The following NIBAN3 variants were observed in gnomAD, a reference collection of about 807,000 sequenced individuals.
NIBAN3 encodes the protein protein Niban 3.
Under a neutral mutation model 76.4 loss-of-function variants are expected in NIBAN3, and 66 were observed. The observed-to-expected ratio is 0.86, with a 90% confidence interval of 0.71 to 1.06. The LOEUF is 1.06. Among genes scored for constraint, NIBAN3 ranks in the 50% least tolerant of loss-of-function variants. The probability of loss-of-function intolerance (pLI) is 0.00; values close to 1 mark genes in which losing one functional copy is unlikely to be tolerated. For missense variants in NIBAN3, 808 were observed against 810.7 expected (o/e 1.00, Z 0.04); for synonymous variants, 360 against 355.2 (o/e 1.01, Z -0.15).
Position 17,539,181 on chromosome 19 carries a change from G to T in NIBAN3, c.627G>T (p.Arg209=). 1 of 1,603,192 alleles carries T rather than the reference G, an allele frequency of 6.2e-7. No homozygotes were observed. The highest frequency in any genetic ancestry group is 8.5e-7 in the Non-Finnish European group (1 of 1,175,512). Residue 209 remains arginine (R), a synonymous_variant, in exon 6 of 15, where the codon CGG becomes CGT. Transcript: ENST00000599164. ...VLQRSQAPAA[R]AFLDAVRLYR... ...AGCGAAGCCAGGCCCCTGCTGCCCG[G>T]GCCTTCCTGGACGCCGTCCGACTCT...
chr19:17,550,149 A>AG (rs1412294177), intron 14 of NIBAN3, among the ~76,000 whole-genome samples: 1 of 152,186 alleles, frequency 6.6e-6, no homozygotes, highest in African/African-American at 2.4e-5. Flanking sequence ...CCTAGGACTT[A>AG]GGGGGCATCT....
At chr19:17,545,893 CAG>C (rs2076045301) in intron 12 of NIBAN3, 6 of 407,590 alleles carry the variant, frequency 1.5e-5, no homozygotes, top group Non-Finnish European at 3.0e-5. Flanking sequence ...GGTGGAGGAG[CAG>C]AGTCTTCTCT....
At chr19:17,545,161 A>ATTTATTTTATTTTATTTTATTTTAT (rs71162150) in intron 12 of NIBAN3, 2 of 133,350 alleles carry the variant, frequency 1.5e-5, no homozygotes, top group African/African-American at 2.8e-5. Flanking sequence ...AGACTATTTT[A>ATTTATTTTATTTTATTTTATTTTAT]TTTATTTTAT....
At position 17,539,340 on chromosome 19, in the gene NIBAN3, C is replaced by T. The variant is rs956534136; in HGVS notation, c.712-7C>T. On this transcript the variant is annotated splice_polypyrimidine_tract_variant and splice_region_variant and intron_variant, in intron 6 of 14. Coordinates refer to ENST00000599164, the MANE Select transcript of NIBAN3 (RefSeq NM_001321827.2). ...GACCGCGGCGCCCATGGCCCCCTCT[C>T]CTGCAGGTGCTGACCGCGGTGCTGA... The T allele has an allele frequency of 1.3e-6, 2 of 1,548,776 alleles. No individual in the cohort carries two copies. The highest frequency in any genetic ancestry group is 1.7e-6 in the Non-Finnish European group (2 of 1,147,750).
At chr19:17,527,136 A>C, upstream of NIBAN3, 1 of 1,350,430 alleles carries the variant, frequency 7.4e-7, no homozygotes, top group East Asian at 2.6e-5. Context: ...CTGTCCCCGC[A>C]GCCTCTACAG....
At chr19:17,543,783 G>A (rs2075999897) in intron 12 of NIBAN3, 152 bp downstream of exon 12, 1 of 601,774 alleles carries the variant, frequency 1.7e-6, no homozygotes, top group Non-Finnish European at 2.9e-6. Context: ...ACAAGGTCAG[G>A]AGTTCGAGAC....
At chr19:17,534,208 A>G (rs74180827) in intron 4 of NIBAN3, among the ~76,000 whole-genome samples, 1 of 152,044 alleles carries the variant, frequency 6.6e-6, no homozygotes, top group African/African-American at 2.4e-5. Context: ...TCCAAAAACA[A>G]CAACAAAAAC....
At chr19:17,531,905 TTGAC>T (rs2075732626) in intron 2 of NIBAN3, among the ~76,000 whole-genome samples, 2 of 152,308 alleles carry the variant, frequency 1.3e-5, no homozygotes, top group Admixed American at 1.3e-4. Context: ...AGACAGGTCT[TTGAC>T]TGATGAGGAA....
rs2075986851 is a variant in NIBAN3, at chr19:17,543,225, G to A, written c.1330-92G>A. On this transcript the variant is annotated intron_variant, in intron 10 of 14. Coordinates refer to ENST00000599164, the MANE Select transcript of NIBAN3 (RefSeq NM_001321827.2). The stretch of plus-strand genomic sequence containing the variant: ...GGGCAGAGGTGGCTGGTTGGAACAG[G>A]TTGGATGCTGAGAAGGGGTCAGCTG... The A allele has an allele frequency of 3.4e-5, 27 of 802,086 alleles. No homozygotes were observed. The East Asian group carries it at 6.4e-4, about 19-fold the overall frequency. 49.7% of individuals were successfully genotyped at this position (802,086 alleles called of 1,614,324 possible). A position where few individuals can be genotyped will look rare whatever the true frequency, so the allele number is the denominator to read the frequency against.
downstream of NIBAN3, chr19:17,553,662 C>A: frequency 5.9e-6 from 6 of 1,018,248 alleles, no homozygotes; most frequent in South Asian, 8.5e-5. Context: ...AGCTGTCTTC[C>A]TTTTACCCCG....
At chr19:17,549,293 T>G in intron 13 of NIBAN3, 151 bp from the exon 14 acceptor site, 1 of 647,188 alleles carries the variant, frequency 1.5e-6, no homozygotes, top group Non-Finnish European at 2.8e-6. Flanking sequence ...TAGCAATGTC[T>G]GCCATGGGTG....
At chr19:17,544,235 G>A (rs1233383052) in intron 12 of NIBAN3, among the ~76,000 whole-genome samples, 1 of 152,094 alleles carries the variant, frequency 6.6e-6, no homozygotes, top group African/African-American at 2.4e-5. Context: ...AGTCGAGGCT[G>A]CAGTGAGCTA....
At chr19:17,523,403 C>A, upstream of NIBAN3, 2 of 1,543,568 alleles carry the variant, frequency 1.3e-6, no homozygotes, top group East Asian at 4.9e-5. Flanking sequence ...CGTCTTGTCC[C>A]GGCAGGCCAC....
downstream of NIBAN3, chr19:17,553,849 C>A: frequency 3.8e-6 from 1 of 266,254 alleles, no homozygotes; most frequent in Non-Finnish European, 7.1e-6. Flanking sequence ...ATCAAGTCCA[C>A]AGAGTGTAAA....
intron 1 of NIBAN3, among the ~76,000 whole-genome samples, chr19:17,528,618 C>T (rs1330449091): frequency 2.0e-5 from 3 of 152,082 alleles, no homozygotes; most frequent in Non-Finnish European, 4.4e-5. Flanking sequence ...CAGTGCCATT[C>T]GGGTCCCTCT....
intron 12 of NIBAN3, 87 bp downstream of exon 12, chr19:17,543,718 C>T (rs1407600411): frequency 1.1e-5 from 13 of 1,164,646 alleles, no homozygotes; most frequent in Admixed American, 2.2e-5. Context: ...TGAGGCTGGG[C>T]GCAGTGGCTC....
Position 17,553,556 on chromosome 19 carries a change from G to C in NIBAN3, c.*1658G>C. ...GTCTGGAGTTTTCGGCCTACCCCAA[G>C]ACAATGAGATATTCCTGACCTTTCC... On this transcript the variant is annotated 3_prime_UTR_variant, in exon 15 of 15. Coordinates refer to ENST00000599164, the MANE Select transcript of NIBAN3 (RefSeq NM_001321827.2). 10 of 1,613,946 alleles carry C rather than the reference G, an allele frequency of 6.2e-6. No homozygotes were observed. Among genetic ancestry groups the C allele is most frequent in the Non-Finnish European group, 8.5e-6 (10 of 1,179,828 alleles).
chr19:17,538,094 G>A (rs1006570731), intron 5 of NIBAN3, among the ~76,000 whole-genome samples: 1 of 151,962 alleles, frequency 6.6e-6, no homozygotes, highest in Non-Finnish European at 1.5e-5. Context: ...AGGCTTCCCA[G>A]ATGAGGGGAA....
intron 13 of NIBAN3, among the ~76,000 whole-genome samples, chr19:17,547,309 G>A (rs369675780): frequency 9.0e-4 from 127 of 141,572 alleles, no homozygotes; most frequent in Admixed American, 3.1e-3. Context: ...AGACAAGATC[G>A]CGCCACTGCA....
Sources: allele counts gnomAD v4.1 joint callset (sites outside exome capture counted in the v4.1 genomes callset), GRCh38; gene constraint gnomAD v4.1.1; transcripts MANE v1.5; gene names NCBI Gene and HGNC (gene_info 2026-07-23, HGNC 2026-07-21).